The following CFAP97 variants were observed in gnomAD, a reference collection of about 807,000 sequenced individuals.
CFAP97 encodes cilia and flagella associated protein 97, also known as cilia- and flagella-associated protein 97.
CFAP97 carries 36 observed loss-of-function variants against 43.1 expected under a neutral mutation model. The ratio of observed to expected loss-of-function variants is 0.84; its 90% CI spans 0.64 to 1.10. The LOEUF is 1.10. Ranked by LOEUF, CFAP97 falls within the 50% of genes least tolerant of loss-of-function variation. CFAP97 has a pLI of 0.00. For synonymous variants in CFAP97, 228 were observed against 225.7 expected, an observed-to-expected ratio of 1.01 and a Z score of -0.09; for missense variants, 657 against 620.3, an observed-to-expected ratio of 1.06 and a Z score of -0.63.
At chr4:185,208,357 A>G (rs1737287214), upstream of CFAP97, among the ~76,000 whole-genome samples, 1 of 152,144 alleles carries the variant, frequency 6.6e-6, no homozygotes, top group African/African-American at 2.4e-5. Flanking sequence ...CTGGTAACTT[A>G]TTTTGATCAT....
intron 1 of CFAP97, among the ~76,000 whole-genome samples, chr4:185,203,416 G>A (rs1737004665): frequency 6.6e-6 from 1 of 152,152 alleles, no homozygotes; most frequent in South Asian, 2.1e-4. Flanking sequence ...CAGCACAGTA[G>A]GCCTCCAACA....
At chr4:185,201,492 A>ATCAG (rs1399535080) in intron 1 of CFAP97, among the ~76,000 whole-genome samples, 1 of 152,220 alleles carries the variant, frequency 6.6e-6, no homozygotes, top group Non-Finnish European at 1.5e-5. Context: ...CAGCACCCTG[A>ATCAG]TCAGTCAGCC....
Position 185,175,974 on chromosome 4 carries a change from A to T in CFAP97, c.1132T>A (p.Ser378Thr). ...QPSVAPGKNY[S>T]FTREEVRQID... ...TGTCTCACCTCTTCTCTTGTGAAAG[A>T]GTAGTTTTTCCCGGGTGCTACTGAA... The change falls in exon 3 of 5, where the codon TCT becomes ACT. Residue 378 changes from serine to threonine, a missense_variant. Ser to Thr is a moderately conservative substitution (Grantham distance 58). Transcript: ENST00000458385. 1 of 1,613,760 alleles carries T rather than the reference A, an allele frequency of 6.2e-7. No individual in the cohort carries two copies. The highest frequency in any genetic ancestry group is 1.6e-4 in the Middle Eastern group (1 of 6,062).
intron 3 of CFAP97, among the ~76,000 whole-genome samples, chr4:185,168,489 C>A (rs1223180120): frequency 1.3e-5 from 2 of 151,538 alleles, no homozygotes; most frequent in Non-Finnish European, 2.9e-5. Flanking sequence ...CACCAGTAAT[C>A]CCAGCTACTT....
intron 2 of CFAP97, among the ~76,000 whole-genome samples, chr4:185,179,357 C>T (rs2111353983): frequency 6.6e-6 from 1 of 151,514 alleles, no homozygotes; most frequent in Middle Eastern, 3.4e-3. Context: ...TGACACTCCT[C>T]CCATTAAGAA....
chr4:185,190,328 T>C lies in CFAP97; in HGVS notation c.869A>G (p.Glu290Gly). The change falls in exon 2 of 5, where the codon GAA becomes GGA. Residue 290 changes from glutamate (E) to glycine (G), a missense_variant. Glu to Gly is a moderately conservative substitution (Grantham distance 98, BLOSUM62 -2). Coordinates refer to ENST00000458385, the MANE Select transcript of CFAP97 (RefSeq NM_020827.3). Reference sequence around the variant, plus strand: ...CAAATCCTCAACATCTTCATATATTTCTTGGCTCACATTTTCTTGCTTTTT... The same window carrying C: ...CAAATCCTCAACATCTTCATATATTCCTTGGCTCACATTTTCTTGCTTTTT... ...KIKKQENVSQ[E>G]IYEDVEDLKN... 6.2e-7 allele frequency: 1 copy of C among 1,604,588 alleles called. No individual in the cohort carries two copies. The highest frequency in any genetic ancestry group is 8.5e-7 in the Non-Finnish European group (1 of 1,174,488).
chr4:185,176,130 T>G (rs8180220), intron 2 of CFAP97, 79 bp from the exon 3 acceptor site: 520,810 of 1,144,512 alleles, frequency 0.46, 125,326 homozygotes, highest in African/African-American at 0.67. Context: ...TTTCTCTTTT[T>G]AGACGGAGTT....
upstream of CFAP97, chr4:185,209,607 A>C (rs1737399880): frequency 4.8e-6 from 2 of 414,282 alleles, no homozygotes; most frequent in Non-Finnish European, 6.5e-6. This position sits in a 1 kb window ranked among gnomAD's most constrained non-coding sequence, Gnocchi z 5.2. Flanking sequence ...CAGTCACAAC[A>C]CGGTGGGGCT....
At position 185,190,426 on chromosome 4, in the gene CFAP97, G is replaced by A. The variant is rs1373873729; in HGVS notation, c.771C>T (p.Pro257=). The A allele has an allele frequency of 2.5e-6, 4 of 1,613,504 alleles. No homozygotes were observed. The highest frequency in any genetic ancestry group is 3.4e-6 in the Non-Finnish European group (4 of 1,179,694). The change falls in exon 2 of 5, where the codon CCC becomes CCT. Residue 257 remains proline (P), a synonymous_variant. Transcript: ENST00000458385. ...ESEDTVTDVS[P]LSTPDISPLQ... is the part of the protein sequence containing the mutation. ...GAGGGCTAATGTCTGGAGTTGATAAGGGACTTACGTCAGTCACAGTATCTT... is the reference window on the plus strand; with the variant it reads ...GAGGGCTAATGTCTGGAGTTGATAAAGGACTTACGTCAGTCACAGTATCTT...
At chr4:185,170,197 T>C in intron 3 of CFAP97, 2 of 570,332 alleles carry the variant, frequency 3.5e-6, no homozygotes, top group African/African-American at 3.9e-5. Flanking sequence ...AATACAAAAA[T>C]TAGCTGGGTG....
intron 3 of CFAP97, among the ~76,000 whole-genome samples, chr4:185,164,496 C>A (rs902674137): frequency 4.6e-5 from 7 of 152,164 alleles, no homozygotes; most frequent in Admixed American, 2.0e-4. Flanking sequence ...TATCCCACAG[C>A]TAACCAAACC....
At chr4:185,177,613 TC>T (rs1400775351) in intron 2 of CFAP97, among the ~76,000 whole-genome samples, 1 of 152,146 alleles carries the variant, frequency 6.6e-6, no homozygotes, top group Non-Finnish European at 1.5e-5. Flanking sequence ...GATGGGTAGA[TC>T]ACCTGAGGTC....
chr4:185,190,099 A>T, intron 2 of CFAP97, 44 bp downstream of exon 2: 1 of 1,401,758 alleles, frequency 7.1e-7, no homozygotes, highest in Non-Finnish European at 9.7e-7. Flanking sequence ...TATGCCCAAT[A>T]TATAATATTT....
chr4:185,161,035 C>T lies in CFAP97; in HGVS notation c.*1763G>A, dbSNP rs1390894761. 1.3e-5 allele frequency: 2 copies of T among 151,566 alleles called. No homozygotes were observed. The highest frequency in any genetic ancestry group is 4.8e-5 in the African/African-American group (2 of 41,322). 9.4% of individuals were successfully genotyped at this position (151,566 alleles called of 1,614,324 possible). A position where few individuals can be genotyped will look rare whatever the true frequency, so the allele number is the denominator to read the frequency against. ...TTCAAATGCTAAATTTAAAATTCAG[C>T]ATTATCTTCTCTCTCTTGAAATATA... On this transcript the variant is annotated 3_prime_UTR_variant, in exon 5 of 5. Transcript: ENST00000458385.
At chr4:185,184,667 G>A (rs1735938765) in intron 2 of CFAP97, among the ~76,000 whole-genome samples, 1 of 152,186 alleles carries the variant, frequency 6.6e-6, no homozygotes, top group Non-Finnish European at 1.5e-5. Context: ...AGTCTAGCGT[G>A]TCTTTGGGTG....
intron 2 of CFAP97, among the ~76,000 whole-genome samples, chr4:185,181,348 G>T (rs1189618857): frequency 3.2e-5 from 4 of 123,732 alleles, no homozygotes; most frequent in African/African-American, 1.2e-4. Flanking sequence ...TTTTTGAGAC[G>T]GAGTTTTGCT....
In CFAP97 at chr4:185,164,106, T is replaced by C. The variant is rs114217341; in HGVS notation, c.1394A>G (p.His465Arg). ...MKRSEQLMDYHRNMGYLNSSP... is the reference protein window; with the variant it reads ...MKRSEQLMDYRRNMGYLNSSP... ...TGAGTTGAGATAGCCCATATTGCGA[T>C]GATAGTCCATCAGTTGTTCTGAACG... Residue 465 changes from histidine to arginine, a missense_variant, in exon 4 of 5, where the codon CAT (histidine) becomes CGT (arginine). Transcript: ENST00000458385. The C allele has an allele frequency of 4.5e-4, 725 of 1,614,002 alleles. No individual in the cohort carries two copies. In the African/African-American group the frequency reaches 8.9e-3, roughly 20 times the overall value.
upstream of CFAP97, chr4:185,204,263 G>A (rs1737086276): frequency 6.6e-6 from 1 of 152,246 alleles, no homozygotes; most frequent in Non-Finnish European, 1.5e-5. Context: ...AGGGCGGCGC[G>A]GGTAGGCCCC....
At chr4:185,205,564 T>G (rs971029955), upstream of CFAP97, among the ~76,000 whole-genome samples, 1 of 152,130 alleles carries the variant, frequency 6.6e-6, no homozygotes, top group Non-Finnish European at 1.5e-5. Context: ...GCGCGGTGGC[T>G]CACGTTTGTA....
Sources: gnomAD v4.1 joint callset for allele counts (sites outside exome capture counted in the v4.1 genomes callset) on GRCh38, gnomAD v4.1.1 for gene constraint, Gnocchi (gnomAD v3.1) non-coding constraint, MANE v1.5 for transcripts, NCBI Gene and HGNC (gene_info 2026-07-23, HGNC 2026-07-21) for gene names.